The following GSE1 variants were observed in gnomAD, a reference collection of about 807,000 sequenced individuals.
GSE1 encodes genetic suppressor element 1.
GSE1 carries 32 observed loss-of-function variants against 112.6 expected under a neutral mutation model. That is an observed-to-expected ratio of 0.28 (90% CI 0.21 to 0.38). The LOEUF is 0.38. GSE1 is among the 10% of genes least tolerant of loss of function. The pLI, the probability that GSE1 is intolerant of heterozygous loss-of-function variation, is 1.00. For missense variants in GSE1, 2,348 were observed against 1,699.2 expected (o/e 1.38, Z -6.71); for synonymous variants, 1,115 against 735.6 (o/e 1.52, Z -8.35).
chr16:85,316,537 A>G (rs2045989555), intron 1 of GSE1, among the ~76,000 whole-genome samples: 2 of 152,114 alleles, frequency 1.3e-5, no homozygotes, highest in South Asian at 4.1e-4. Context: ...GGTCTCTCCC[A>G]CTGGGGGAGG....
chr16:85,272,057 C>A (rs986412889), intron 1 of GSE1, among the ~76,000 whole-genome samples: 3 of 152,222 alleles, frequency 2.0e-5, no homozygotes, highest in Non-Finnish European at 1.5e-5. Context: ...CATGGTGCCG[C>A]CAGCCTGAGG....
chr16:85,448,970 C>T (rs902878994), intron 2 of GSE1, among the ~76,000 whole-genome samples: 1 of 152,212 alleles, frequency 6.6e-6, no homozygotes, highest in Non-Finnish European at 1.5e-5. Flanking sequence ...CTCTCCCCGC[C>T]CCTCCACCCG....
chr16:85,275,577 C>T (rs960421296), intron 1 of GSE1, among the ~76,000 whole-genome samples: 1 of 152,212 alleles, frequency 6.6e-6, no homozygotes, highest in African/African-American at 2.4e-5. Flanking sequence ...GCATTTCATA[C>T]TTTCCCTGTG....
chr16:85,287,461 C>T (rs1478373907), intron 1 of GSE1, among the ~76,000 whole-genome samples: 1 of 152,152 alleles, frequency 6.6e-6, no homozygotes, highest in African/African-American at 2.4e-5. Context: ...CCTCTGGCTT[C>T]ATCTCCTCCA....
intron 2 of GSE1, among the ~76,000 whole-genome samples, chr16:85,358,220 G>T (rs879705475): frequency 1.3e-5 from 2 of 152,206 alleles, no homozygotes; most frequent in African/African-American, 2.4e-5. Flanking sequence ...GCCAGGCGAG[G>T]CTGTGCCCTC....
At chr16:85,408,159 G>GC (rs1472701266) in intron 2 of GSE1, among the ~76,000 whole-genome samples, 1 of 33,572 alleles carries the variant, frequency 3.0e-5, no homozygotes, top group African/African-American at 1.6e-4. Context: ...TACACTCAGG[G>GC]CCCCCCGGAT....
chr16:85,531,526 C>G (rs1004233336), intron 2 of GSE1, among the ~76,000 whole-genome samples: 4 of 152,186 alleles, frequency 2.6e-5, no homozygotes, highest in African/African-American at 9.7e-5. Flanking sequence ...TTGGCCCAGC[C>G]TCTGCTAAAA....
chr16:85,265,203 C>T (rs935410782), intron 1 of GSE1, among the ~76,000 whole-genome samples: 6 of 152,142 alleles, frequency 3.9e-5, no homozygotes, highest in African/African-American at 1.2e-4. Context: ...TGAGGGCCTG[C>T]GGGTAAAGGC....
intron 2 of GSE1, among the ~76,000 whole-genome samples, chr16:85,447,813 C>G (rs753156059): frequency 6.6e-6 from 1 of 152,228 alleles, no homozygotes; most frequent in Non-Finnish European, 1.5e-5. Flanking sequence ...CCTGAGGTGC[C>G]TTTCACACAG....
chr16:85,474,304 G>T (rs1209219609), intron 2 of GSE1, among the ~76,000 whole-genome samples: 1 of 152,068 alleles, frequency 6.6e-6, no homozygotes, highest in Non-Finnish European at 1.5e-5. Flanking sequence ...GCTTCTGATT[G>T]TCTTGTCTTT....
At chr16:85,217,400 A>G (rs2075322149) in intron 1 of GSE1, among the ~76,000 whole-genome samples, 1 of 152,158 alleles carries the variant, frequency 6.6e-6, no homozygotes, top group African/African-American at 2.4e-5. Context: ...GGACCATGCG[A>G]AGGCTGGCGA....
At chr16:85,662,361 C>T (rs368447137) in intron 9 of GSE1, 4 of 153,650 alleles carry the variant, frequency 2.6e-5, no homozygotes, top group African/African-American at 7.2e-5. Flanking sequence ...GCCCAGTTTT[C>T]TTCCTGATGC....
At chr16:85,493,548 G>A (rs1214538340) in intron 2 of GSE1, among the ~76,000 whole-genome samples, 2 of 152,098 alleles carry the variant, frequency 1.3e-5, no homozygotes, top group East Asian at 3.9e-4. Context: ...GAGGTCGGGA[G>A]TTCAAGACCA....
At chr16:85,183,045 G>T (rs892264059) in intron 1 of GSE1, among the ~76,000 whole-genome samples, 2 of 152,022 alleles carry the variant, frequency 1.3e-5, no homozygotes, top group African/African-American at 4.8e-5. Flanking sequence ...CATCACTCCC[G>T]TGCACACTCA....
intron 1 of GSE1, chr16:85,285,905 G>A (rs1342081722): frequency 1.3e-5 from 2 of 152,274 alleles, no homozygotes; most frequent in African/African-American, 2.4e-5. Context: ...GGGAAAACAG[G>A]ACTTCGTGGC....
intron 1 of GSE1, among the ~76,000 whole-genome samples, chr16:85,314,295 A>G (rs2151488262): frequency 6.6e-6 from 1 of 152,274 alleles, no homozygotes; most frequent in African/African-American, 2.4e-5. Context: ...GGGGGACGTG[A>G]ATGCTGCCAC....
At chr16:85,188,000 C>T (rs1267076478) in intron 1 of GSE1, among the ~76,000 whole-genome samples, 1 of 152,246 alleles carries the variant, frequency 6.6e-6, no homozygotes, top group Non-Finnish European at 1.5e-5. Context: ...CTCCCAGACT[C>T]CTGGCACGTC....
chr16:85,568,504 A>G (rs2045851915), intron 1 of GSE1, among the ~76,000 whole-genome samples: 1 of 152,136 alleles, frequency 6.6e-6, no homozygotes, highest in Non-Finnish European at 1.5e-5. Context: ...ATTTTTATGA[A>G]ACTCCATGGT....
intron 1 of GSE1, among the ~76,000 whole-genome samples, chr16:85,354,547 C>G (rs1171030066): frequency 6.6e-6 from 1 of 152,238 alleles, no homozygotes; most frequent in Non-Finnish European, 1.5e-5. Flanking sequence ...CCATCTCCAC[C>G]CCAGGAGGGG....
Sources: gnomAD v4.1 joint callset for allele counts (sites outside exome capture counted in the v4.1 genomes callset) on GRCh38, gnomAD v4.1.1 for gene constraint, MANE v1.5 for transcripts, NCBI Gene and HGNC (gene_info 2026-07-23, HGNC 2026-07-21) for gene names.